Variants in CENPO observed in about 807,000 individuals in gnomAD.
CENPO encodes the protein centromere protein O.
Under a neutral mutation model 36.1 loss-of-function variants are expected in CENPO, and 30 were observed. The ratio of observed to expected loss-of-function variants is 0.83; its 90% CI spans 0.62 to 1.13. The LOEUF (loss-of-function observed/expected upper bound fraction) is 1.13. CENPO is among the 50% of genes most tolerant of loss of function. The pLI is 0.00. For synonymous variants in CENPO, 171 were observed against 142.3 expected (o/e 1.20, Z -1.44); for missense variants, 349 against 357.8 (o/e 0.98, Z 0.20).
intron 2 of CENPO, among the ~76,000 whole-genome samples, chr2:24,798,610 G>A (rs901774192): frequency 6.6e-5 from 10 of 151,768 alleles, no homozygotes; most frequent in African/African-American, 2.4e-5. Flanking sequence ...ACAGGTGCCC[G>A]CCACCACACC....
At position 24,821,397 on chromosome 2, in the gene CENPO, G is replaced by A. The variant is rs557905666; in HGVS notation, c.*2079G>A. Reference sequence around the variant, plus strand: ...TCAGGTCTCCTTGCCCTGTGAGTGCGTGAACCTCCCCACCCGAATTGCCTC... The same window carrying A: ...TCAGGTCTCCTTGCCCTGTGAGTGCATGAACCTCCCCACCCGAATTGCCTC... On this transcript the variant is annotated 3_prime_UTR_variant, in exon 8 of 8. Coordinates refer to ENST00000380834, the MANE Select transcript of CENPO (RefSeq NM_001322101.2). 199 of 1,435,338 alleles carry A rather than the reference G, an allele frequency of 1.4e-4. No homozygotes were observed. The highest frequency in any genetic ancestry group is 4.2e-4 in the Admixed American group (21 of 49,744). 88.9% of individuals were successfully genotyped at this position (1,435,338 alleles called of 1,614,324 possible).
intron 4 of CENPO, 110 bp downstream of exon 4, chr2:24,814,603 C>A: frequency 4.4e-6 from 3 of 686,004 alleles, no homozygotes; most frequent in South Asian, 3.2e-5. Flanking sequence ...GTATTTTACA[C>A]CCTCTGCCCT....
At chr2:24,816,483 C>T in intron 5 of CENPO, 163 bp from the exon 6 acceptor site, 1 of 618,716 alleles carries the variant, frequency 1.6e-6, no homozygotes, top group Non-Finnish European at 2.8e-6. Flanking sequence ...TCTTAGGCAT[C>T]TTTTTCATTA....
Position 24,799,804 on chromosome 2 carries a change from G to A in CENPO, c.176G>A (p.Arg59Gln), listed in dbSNP as rs150968453. Residue 59 changes from arginine (R) to glutamine (Q), a missense_variant, in exon 3 of 8, where the codon CGA becomes CAA. By Grantham distance (43) the Arg-to-Gln change is conservative. Coordinates refer to ENST00000380834, the MANE Select transcript of CENPO (RefSeq NM_001322101.2). ...GTKIHKLRRL[R>Q]DELRAVVRHR... ...AAGATTCATAAACTAAGGCGTCTGC[G>A]AGATGAGCTGAGGGCTGTGGTGCGG... The A allele has an allele frequency of 5.8e-5, 93 of 1,613,572 alleles. No homozygotes were observed. Among genetic ancestry groups the A allele is most frequent in the Non-Finnish European group, 6.7e-5 (79 of 1,180,014 alleles).
intron 4 of CENPO, among the ~76,000 whole-genome samples, chr2:24,815,219 CAGAGTGA>C (rs1371314993): frequency 7.1e-6 from 1 of 140,934 alleles, no homozygotes; most frequent in Non-Finnish European, 1.5e-5. Context: ...GCCTGGGTGA[CAGAGTGA>C]AACCCTATCT....
intron 6 of CENPO, among the ~76,000 whole-genome samples, chr2:24,817,075 A>T (rs889346704): frequency 6.6e-6 from 1 of 152,158 alleles, no homozygotes; most frequent in Admixed American, 6.5e-5. Context: ...GCAGCCTATG[A>T]TTTGTTTTCA....
chr2:24,803,401 G>A (rs1416861376), intron 3 of CENPO, among the ~76,000 whole-genome samples: 2 of 152,082 alleles, frequency 1.3e-5, no homozygotes. Flanking sequence ...TGCTTCTCTA[G>A]TTCTTTTAAT....
Position 24,820,807 on chromosome 2 carries a change from G to T in CENPO, c.*1489G>T. On this transcript the variant is annotated 3_prime_UTR_variant, in exon 8 of 8. Transcript: ENST00000380834. ...CCCCAGATGTCGTAGTGTGGTTTCC[G>T]GGCTCCGATGACCCCAGCCAGAACC... is the stretch of plus-strand genomic sequence containing the variant. 6.2e-7 allele frequency: 1 copy of T among 1,613,988 alleles called. No homozygotes were observed. The highest frequency in any genetic ancestry group is 8.5e-7 in the Non-Finnish European group (1 of 1,179,992).
intron 4 of CENPO, chr2:24,814,758 T>C: frequency 2.4e-6 from 1 of 410,232 alleles, no homozygotes; most frequent in Non-Finnish European, 4.5e-6. Flanking sequence ...TAACAGTTCG[T>C]CATGTGCCAG....
Position 24,821,250 on chromosome 2 carries a change from A to G in CENPO, c.*1932A>G. 2.1e-6 allele frequency: 1 copy of G among 479,764 alleles called. No homozygotes were observed. The allele number at this position is 479,764 out of a possible 1,614,324, so 29.7% of individuals were successfully genotyped here. ...AGCAACCCCTCTGGAAATGGATCAC[A>G]AACTCACTTCTCAGCCAGGCAGGCC... On this transcript the variant is annotated 3_prime_UTR_variant, in exon 8 of 8. Transcript: ENST00000380834.
chr2:24,795,838 G>A (rs1027117934), intron 2 of CENPO, among the ~76,000 whole-genome samples: 22 of 152,094 alleles, frequency 1.4e-4, no homozygotes, highest in African/African-American at 5.3e-4. Context: ...CTTCCAGCAC[G>A]GTCCTTGGTC....
intron 3 of CENPO, among the ~76,000 whole-genome samples, chr2:24,807,395 C>G (rs1172994572): frequency 6.6e-6 from 1 of 152,176 alleles, no homozygotes; most frequent in Non-Finnish European, 1.5e-5. Context: ...TTAAAAAGTA[C>G]AAACTCTTAT....
chr2:24,820,472 T>G lies in CENPO; in HGVS notation c.*1154T>G, dbSNP rs564410032. ...CGCCACTGAGACAGATCACAAGGTA[T>G]TAGAAGGTTCATACCCAAAGGTAGG... On this transcript the variant is annotated 3_prime_UTR_variant, in exon 8 of 8. Transcript: ENST00000380834. The G allele has an allele frequency of 2.9e-5, 40 of 1,384,922 alleles. No individual in the cohort carries two copies. The East Asian group carries it at 9.9e-4, about 34-fold the overall frequency. The allele number at this position is 1,384,922 out of a possible 1,614,324, so 85.8% of individuals were successfully genotyped here.
chr2:24,816,566 G>C (rs1666945592), intron 5 of CENPO, 80 bp from the exon 6 acceptor site: 5 of 954,216 alleles, frequency 5.2e-6, no homozygotes, highest in Non-Finnish European at 7.6e-6. Context: ...CTTTTTGGTT[G>C]ACGTAATTGA....
chr2:24,800,395 A>G (rs1227699199), intron 3 of CENPO, among the ~76,000 whole-genome samples: 1 of 152,204 alleles, frequency 6.6e-6, no homozygotes, highest in African/African-American at 2.4e-5. Context: ...TTACATATGT[A>G]TACATGTGCC....
chr2:24,820,479 G>A lies in CENPO; in HGVS notation c.*1161G>A, dbSNP rs1667447229. 2 of 1,393,280 alleles carry A rather than the reference G, an allele frequency of 1.4e-6. No homozygotes were observed. Among genetic ancestry groups the A allele is most frequent in the South Asian group, 1.6e-5 (1 of 61,820 alleles). 86.3% of individuals were successfully genotyped at this position (1,393,280 alleles called of 1,614,324 possible). On this transcript the variant is annotated 3_prime_UTR_variant, in exon 8 of 8. Coordinates refer to ENST00000380834, the MANE Select transcript of CENPO (RefSeq NM_001322101.2). ...GAGACAGATCACAAGGTATTAGAAG[G>A]TTCATACCCAAAGGTAGGCCATATG... is the stretch of plus-strand genomic sequence containing the variant.
intron 2 of CENPO, among the ~76,000 whole-genome samples, chr2:24,797,456 G>A (rs1395872671): frequency 6.6e-6 from 1 of 152,192 alleles, no homozygotes; most frequent in East Asian, 1.9e-4. Context: ...CGACATGTAT[G>A]GCCATTAAGG....
Position 24,821,852 on chromosome 2 carries a change from T to C in CENPO, c.*2534T>C, listed in dbSNP as rs916996709. On this transcript the variant is annotated 3_prime_UTR_variant, in exon 8 of 8. Transcript: ENST00000380834. ...GCAGGTCTAGGCAAAGACTGGGCAA[T>C]TGAGCAGAGGAGACGGACCTGTGAG... is the stretch of plus-strand genomic sequence containing the variant. 3.2e-6 allele frequency: 2 copies of C among 621,112 alleles called. No individual in the cohort carries two copies. The highest frequency in any genetic ancestry group is 1.9e-5 in the African/African-American group (1 of 53,754). 38.5% of individuals were successfully genotyped at this position (621,112 alleles called of 1,614,324 possible).
At chr2:24,817,932 G>GCTC in intron 7 of CENPO, 91 bp downstream of exon 7, 1 of 1,043,742 alleles carries the variant, frequency 9.6e-7, no homozygotes, top group Non-Finnish European at 1.4e-6. Flanking sequence ...ACACCTACCT[G>GCTC]TTCATCTGGA....
Sources: gnomAD v4.1 joint callset for allele counts (sites outside exome capture counted in the v4.1 genomes callset) on GRCh38, gnomAD v4.1.1 for gene constraint, MANE v1.5 for transcripts, NCBI Gene and HGNC (gene_info 2026-07-23, HGNC 2026-07-21) for gene names.